The following CDCP2 variants were observed in gnomAD, a reference collection of about 807,000 sequenced individuals.
CDCP2 encodes the protein CUB domain-containing protein 2.
A neutral mutation model predicts 31.0 loss-of-function variants in CDCP2; 31 were observed. The ratio of observed to expected loss-of-function variants is 1.00; its 90% CI spans 0.75 to 1.35. The LOEUF is 1.35. Ranked by LOEUF, CDCP2 falls within the 40% of genes most tolerant of loss-of-function variation. CDCP2 has a pLI of 0.00. For synonymous variants in CDCP2, 206 were observed against 207.9 expected, an observed-to-expected ratio of 0.99 and a Z score of 0.08; for missense variants, 443 against 482.6, an observed-to-expected ratio of 0.92 and a Z score of 0.77.
intron 1 of CDCP2, among the ~76,000 whole-genome samples, chr1:54,148,578 G>A (rs1318806388): frequency 2.0e-5 from 3 of 151,606 alleles, no homozygotes; most frequent in African/African-American, 7.3e-5. Flanking sequence ...CTCTGGATCT[G>A]TCTACAGTTA....
rs147289604 is a variant in CDCP2 at position 54,137,820 on chromosome 1, C to T, written c.1118-1012G>A. On this transcript the variant is annotated intron_variant, in intron 4 of 5. Transcript: ENST00000530059. The stretch of plus-strand genomic sequence containing the variant: ...ACTCTCAACCCCTCTCCGGGAAATG[C>T]CTCAGACATATTTCAGCCTCTGGTG... 8.1e-3 allele frequency: 1,234 copies of T among 152,254 alleles called. 3 individuals carry two copies. Among genetic ancestry groups the T allele is most frequent in the Middle Eastern group, 0.014 (4 of 294 alleles). 9.4% of individuals were successfully genotyped at this position (152,254 alleles called of 1,614,324 possible).
At chr1:54,152,704 A>G (rs1328605877) in intron 1 of CDCP2, 140 bp downstream of exon 1, 3 of 721,564 alleles carry the variant, frequency 4.2e-6, no homozygotes, top group Non-Finnish European at 7.2e-6. Flanking sequence ...TCTCAGGAAC[A>G]AACACATTCT....
chr1:54,148,683 G>A (rs539363666), intron 1 of CDCP2, among the ~76,000 whole-genome samples: 4 of 151,366 alleles, frequency 2.6e-5, no homozygotes, highest in Admixed American at 1.3e-4. Flanking sequence ...GATAAATGAC[G>A]CTGGGGCTTC....
chr1:54,142,642 T>C (rs1458700750), intron 2 of CDCP2: 2 of 152,278 alleles, frequency 1.3e-5, no homozygotes, highest in Non-Finnish European at 2.9e-5. Context: ...ACCAGGGCTC[T>C]GGATGGGGCA....
chr1:54,144,464 A>T lies in CDCP2; in HGVS notation c.427+2T>A, dbSNP rs1460572385. The stretch of plus-strand genomic sequence containing the variant: ...AACAGGTCCCTAAGGCCCCCCGTTG[A>T]CCTTTCTGGTAGCCCGCAGAAAAGC... On this transcript the variant is annotated splice_donor_variant, in intron 2 of 5. Coordinates refer to ENST00000530059, the Ensembl canonical transcript of CDCP2. LOFTEE classifies it high-confidence loss of function. 3 of 1,566,570 alleles carry T rather than the reference A, an allele frequency of 1.9e-6. No individual in the cohort carries two copies. Among genetic ancestry groups the T allele is most frequent in the South Asian group, 2.4e-5 (2 of 82,212 alleles).
At chr1:54,141,200 T>A (rs1440451561) in exon 3 of CDCP2, 1 of 1,603,252 alleles carries the variant, frequency 6.2e-7, no homozygotes, top group African/African-American at 1.3e-5. Flanking sequence ...GGGGGCCTGG[T>A]GCTGCCACAG....
intron 1 of CDCP2, among the ~76,000 whole-genome samples, chr1:54,150,414 G>A (rs770084782): frequency 2.0e-5 from 3 of 152,118 alleles, no homozygotes; most frequent in Non-Finnish European, 4.4e-5. Flanking sequence ...AGCCAACATG[G>A]TGAAGCCCTG....
In CDCP2 at chr1:54,140,345, A is replaced by G. The variant is rs148170818; in HGVS notation, c.764-239T>C. ...AGCTGGGACTTGCATTCCAGTTGACAGTCCCCTTCACAGGTGTAGGCCCTG... is the reference window on the plus strand; with the variant it reads ...AGCTGGGACTTGCATTCCAGTTGACGGTCCCCTTCACAGGTGTAGGCCCTG... On this transcript the variant is annotated intron_variant, in intron 3 of 5. Coordinates refer to ENST00000530059, the Ensembl canonical transcript of CDCP2. 3 of 574,060 alleles carry G rather than the reference A, an allele frequency of 5.2e-6. No homozygotes were observed. In the East Asian group the frequency reaches 8.8e-5, roughly 17 times the overall value. The allele number at this position is 574,060 out of a possible 1,614,324, so 35.6% of individuals were successfully genotyped here.
intron 1 of CDCP2, among the ~76,000 whole-genome samples, chr1:54,150,588 C>T (rs1217389086): frequency 6.7e-6 from 1 of 148,866 alleles, no homozygotes; most frequent in African/African-American, 2.5e-5. Context: ...CAGAGTGAGA[C>T]TCCATTTAAA....
chr1:54,142,096 G>A (rs1247652650), intron 2 of CDCP2: 2 of 152,358 alleles, frequency 1.3e-5, no homozygotes, highest in East Asian at 1.9e-4. Flanking sequence ...AGGGCCCTGA[G>A]AGCAGGTCAC....
At chr1:54,139,843 G>A in exon 4 of CDCP2, 2 of 1,614,076 alleles carry the variant, frequency 1.2e-6, no homozygotes, top group Non-Finnish European at 1.7e-6. Context: ...GAGGTCACGG[G>A]TGGTGGCAGG....
intron 4 of CDCP2, chr1:54,137,674 T>TGTGTGA (rs1262484412): frequency 3.2e-5 from 4 of 124,100 alleles, no homozygotes; most frequent in African/African-American, 1.2e-4. Flanking sequence ...TGTGTGTGTG[T>TGTGTGA]GTGTGTGTGC....
Position 54,134,075 on chromosome 1 carries a change from A to G in CDCP2, c.1297-781T>C, listed in dbSNP as rs563659339. On this transcript the variant is annotated intron_variant, in intron 5 of 5. Coordinates refer to ENST00000530059, the Ensembl canonical transcript of CDCP2. ...TCACACCTCACTCAAACAAAAGAATATAGAACCAAAGGGGGCTTTTCAAAG... is the reference window on the plus strand; with the variant it reads ...TCACACCTCACTCAAACAAAAGAATGTAGAACCAAAGGGGGCTTTTCAAAG... 2.0e-5 allele frequency among the ~76,000 whole-genome samples: 3 copies of G among 152,232 alleles called. No homozygotes were observed. The East Asian group carries it at 5.8e-4, about 29-fold the overall frequency.
Position 54,133,405 on chromosome 1 carries a change from T to A in CDCP2, c.1297-111A>T, listed in dbSNP as rs142765016. 7.4e-4 allele frequency: 294 copies of A among 397,826 alleles called. 2 individuals are homozygous for A. Among genetic ancestry groups the A allele is most frequent in the Middle Eastern group, 4.4e-3 (7 of 1,588 alleles). The allele number at this position is 397,826 out of a possible 1,614,324, so 24.6% of individuals were successfully genotyped here. ...GGGGCAGAGCCCGAGGAGCCTGTGTTCTAGTCCTAACTCTGAGCCTCAGTG... is the reference window on the plus strand; with the variant it reads ...GGGGCAGAGCCCGAGGAGCCTGTGTACTAGTCCTAACTCTGAGCCTCAGTG... On this transcript the variant is annotated intron_variant, in intron 5 of 5. Coordinates refer to ENST00000530059, the Ensembl canonical transcript of CDCP2.
At chr1:54,147,134 A>C (rs2100430818) in intron 1 of CDCP2, among the ~76,000 whole-genome samples, 1 of 147,508 alleles carries the variant, frequency 6.8e-6, no homozygotes, top group African/African-American at 2.5e-5. Context: ...AATGGCTTCC[A>C]CTGGCTAAAG....
exon 3 of CDCP2, chr1:54,141,258 G>A (rs201306595): frequency 3.1e-6 from 5 of 1,614,240 alleles, no homozygotes; most frequent in Non-Finnish European, 4.2e-6. Context: ...CAGCCACGTA[G>A]TCATAGGTGC....
chr1:54,133,070 C>T, exon 6 of CDCP2: 1 of 399,134 alleles, frequency 2.5e-6, no homozygotes. Flanking sequence ...CCACCATGCT[C>T]ACTGGGCCCT....
At chr1:54,137,365 C>G (rs1374744635) in intron 4 of CDCP2, among the ~76,000 whole-genome samples, 2 of 151,952 alleles carry the variant, frequency 1.3e-5, no homozygotes, top group African/African-American at 2.4e-5. Context: ...GAAGAAACAG[C>G]GGGAGAGTAG....
In CDCP2 at chr1:54,139,819, G is replaced by T. The variant is rs1659329174; in HGVS notation, c.1051C>A (p.Leu351Ile). ...CGGTCTGTGTGCAGCAGAAGCAGAAGCTGGTTGTGGCTTGAGGTCACGGGT... is the reference window on the plus strand; with the variant it reads ...CGGTCTGTGTGCAGCAGAAGCAGAATCTGGTTGTGGCTTGAGGTCACGGGT... Residue 351 changes from leucine (L) to isoleucine (I), a missense_variant, in exon 4 of 6, where the codon CTT (leucine) becomes ATT (isoleucine). Coordinates refer to ENST00000530059, the Ensembl canonical transcript of CDCP2. The T allele has an allele frequency of 3.1e-6, 5 of 1,614,234 alleles. No homozygotes were observed. In the East Asian group the frequency reaches 1.1e-4, roughly 36 times the overall value.
Sources: gnomAD v4.1 joint callset for allele counts (sites outside exome capture counted in the v4.1 genomes callset) on GRCh38, gnomAD v4.1.1 for gene constraint, MANE v1.5 for transcripts, NCBI Gene and HGNC (gene_info 2026-07-23, HGNC 2026-07-21) for gene names.